Variants in METTL21A observed in about 807,000 individuals in gnomAD.
METTL21A encodes the protein methyltransferase 21A, HSPA lysine.
Under a neutral mutation model 20.9 loss-of-function variants are expected in METTL21A, and 22 were observed. That is an observed-to-expected ratio of 1.05 (90% confidence interval 0.75 to 1.50). The LOEUF is 1.50. Ranked by LOEUF, METTL21A falls within the 40% of genes most tolerant of loss-of-function variation. The pLI, the probability that METTL21A is intolerant of heterozygous loss-of-function variation, is 0.00. For synonymous variants in METTL21A, 93 were observed against 102.0 expected, an observed-to-expected ratio of 0.91 and a Z score of 0.53; for missense variants, 271 against 266.8, an observed-to-expected ratio of 1.02 and a Z score of -0.11.
chr2:207,597,473 G>C, intron 3 of METTL21A: 1 of 225,722 alleles, frequency 4.4e-6, no homozygotes, highest in Non-Finnish European at 8.8e-6. Flanking sequence ...TGTGTGGGCC[G>C]CATGCATAAA....
chr2:207,618,955 C>T (rs1338522852), intron 3 of METTL21A, among the ~76,000 whole-genome samples: 2 of 152,006 alleles, frequency 1.3e-5, no homozygotes, highest in Non-Finnish European at 2.9e-5. Context: ...AATCCATTAG[C>T]TTTGTGACCT....
intron 3 of METTL21A, among the ~76,000 whole-genome samples, chr2:207,583,659 C>T (rs562324430): frequency 6.6e-6 from 1 of 152,242 alleles, no homozygotes; most frequent in Non-Finnish European, 1.5e-5. Context: ...TTTCTGACAT[C>T]CCTAAGTTTT....
intron 3 of METTL21A, chr2:207,596,849 AG>A: frequency 1.3e-6 from 2 of 1,558,516 alleles, no homozygotes; most frequent in South Asian, 1.2e-5. Flanking sequence ...GAAAAAAAAA[AG>A]GTAATCCAAA....
chr2:207,604,765 G>A (rs755340003), downstream of METTL21A, among the ~76,000 whole-genome samples: 2 of 152,044 alleles, frequency 1.3e-5, no homozygotes, highest in Non-Finnish European at 2.9e-5. Flanking sequence ...CTTGTCCCTG[G>A]CAACCACCAA....
rs374199210 is a variant in METTL21A, at chr2:207,621,862, G to C, written c.203C>G (p.Ser68Cys). 1.9e-6 allele frequency: 3 copies of C among 1,614,080 alleles called. No homozygotes were observed. The African/African-American group carries it at 4.0e-5, about 22-fold the overall frequency. ...CGTGCCAGCACCCAGCTCCACGGCA[G>C]AGCGGCCCCTGAGCTCCACAGCTCC... The change falls in exon 3 of 4, where the codon TCT (serine) becomes TGT (cysteine). Residue 68 changes from serine (S) to cysteine (C), a missense_variant. Ser to Cys is a moderately radical substitution (Grantham distance 112). Transcript: ENST00000406927.
downstream of METTL21A, among the ~76,000 whole-genome samples, chr2:207,604,762 C>T (rs1235620701): frequency 3.9e-5 from 6 of 152,204 alleles, no homozygotes; most frequent in Admixed American, 3.9e-4. Context: ...GCCCTTGTCC[C>T]TGGCAACCAC....
intron 3 of METTL21A, among the ~76,000 whole-genome samples, chr2:207,594,214 TC>T (rs1449454190): frequency 6.6e-6 from 1 of 152,224 alleles, no homozygotes; most frequent in African/African-American, 2.4e-5. Flanking sequence ...TTAAATAATT[TC>T]ATTTTTAATT....
intron 3 of METTL21A, among the ~76,000 whole-genome samples, chr2:207,582,381 T>C (rs1369278636): frequency 6.6e-6 from 1 of 152,372 alleles, no homozygotes; most frequent in South Asian, 2.1e-4. Context: ...CCTTCTAATA[T>C]ATTTAACAAC....
chr2:207,585,270 C>CCG (rs2083613616), intron 3 of METTL21A, among the ~76,000 whole-genome samples: 2 of 152,208 alleles, frequency 1.3e-5, no homozygotes, highest in Non-Finnish European at 2.9e-5. Flanking sequence ...CCACTGACAA[C>CCG]CGAAGCCTAA....
At chr2:207,582,806 T>C (rs1037553622) in intron 3 of METTL21A, 10 of 307,968 alleles carry the variant, frequency 3.2e-5, no homozygotes, top group African/African-American at 6.8e-5. Context: ...GGCAGAAGAA[T>C]TGTGCGAACC....
chr2:207,621,548 G>C (rs1389584392), intron 3 of METTL21A, among the ~76,000 whole-genome samples: 1 of 152,190 alleles, frequency 6.6e-6, no homozygotes, highest in Non-Finnish European at 1.5e-5. Flanking sequence ...GAAGGGGGCA[G>C]AGCAATCTCC....
intron 3 of METTL21A, chr2:207,599,801 A>T (rs1197967463): frequency 2.0e-5 from 4 of 196,416 alleles, no homozygotes; most frequent in Non-Finnish European, 3.2e-5. Context: ...AGCCAAGAAC[A>T]TATGTGGCCA....
At chr2:207,621,084 A>G (rs565820034) in intron 3 of METTL21A, among the ~76,000 whole-genome samples, 6 of 152,336 alleles carry the variant, frequency 3.9e-5, no homozygotes, top group African/African-American at 1.4e-4. Flanking sequence ...AGTGATAAAC[A>G]TTATACATTG....
At chr2:207,581,667 C>T, downstream of METTL21A, 4 of 482,332 alleles carry the variant, frequency 8.3e-6, no homozygotes, top group Non-Finnish European at 1.5e-5. Flanking sequence ...TTCCGGATAC[C>T]CTTCATCCAG....
downstream of METTL21A, among the ~76,000 whole-genome samples, chr2:207,581,151 C>T (rs185343962): frequency 2.8e-4 from 42 of 152,246 alleles, no homozygotes; most frequent in African/African-American, 8.2e-4. Context: ...CCATATAAAA[C>T]TATAAACCCC....
chr2:207,604,675 C>T (rs188266883), downstream of METTL21A, among the ~76,000 whole-genome samples: 1,882 of 152,292 alleles, frequency 0.012, 19 homozygotes, highest in Non-Finnish European at 0.019. Flanking sequence ...TGTACAACCA[C>T]CACTTCTATC....
intron 3 of METTL21A, among the ~76,000 whole-genome samples, chr2:207,586,947 T>A (rs1574950260): frequency 6.6e-6 from 1 of 152,150 alleles, no homozygotes; most frequent in East Asian, 1.9e-4. Context: ...GTATCATTAG[T>A]TAGAATGGCT....
downstream of METTL21A, among the ~76,000 whole-genome samples, chr2:207,608,854 G>A (rs1163083393): frequency 2.0e-5 from 3 of 152,256 alleles, no homozygotes; most frequent in Non-Finnish European, 2.9e-5. Flanking sequence ...GTGAATACGG[G>A]AGGCGGAGCT....
At chr2:207,602,015 A>G (rs2087143508) in intron 3 of METTL21A, 2 of 205,930 alleles carry the variant, frequency 9.7e-6, no homozygotes, top group African/African-American at 4.6e-5. Flanking sequence ...TGAACATATC[A>G]TGAAGCTGAG....
Sources: allele counts gnomAD v4.1 joint callset (sites outside exome capture counted in the v4.1 genomes callset), GRCh38; gene constraint gnomAD v4.1.1; transcripts MANE v1.5; gene names NCBI Gene and HGNC (gene_info 2026-07-23, HGNC 2026-07-21).